MSRA: variants seen among roughly 807,000 people sequenced by gnomAD.
MSRA encodes mitochondrial peptide methionine sulfoxide reductase.
Under a neutral mutation model 31.3 loss-of-function variants are expected in MSRA, and 54 were observed. That is an observed-to-expected ratio of 1.73 (90% CI 1.39 to 2.17). MSRA has a LOEUF of 2.17. Among genes scored for constraint, MSRA ranks in the 30% most tolerant of loss-of-function variants. The pLI is 0.00. For synonymous variants in MSRA, 169 were observed against 116.5 expected (o/e 1.45, Z -2.90); for missense variants, 507 against 300.9 (o/e 1.69, Z -5.07).
At chr8:10,400,259 A>G (rs1354639280) in intron 5 of MSRA, among the ~76,000 whole-genome samples, 2 of 151,754 alleles carry the variant, frequency 1.3e-5, no homozygotes, top group African/African-American at 2.4e-5. Context: ...GGAAATGATG[A>G]GGGCCTGGGT....
chr8:10,376,159 A>C (rs1805745863), intron 5 of MSRA, among the ~76,000 whole-genome samples: 1 of 152,048 alleles, frequency 6.6e-6, no homozygotes, highest in Admixed American at 6.6e-5. Context: ...TGCTTAGGAG[A>C]TGGATAATGC....
At chr8:10,122,492 A>G (rs1030176089) in intron 1 of MSRA, among the ~76,000 whole-genome samples, 62 of 152,184 alleles carry the variant, frequency 4.1e-4, no homozygotes, top group African/African-American at 1.4e-3. Context: ...AAGTGGATCC[A>G]GAGTACAGTG....
chr8:10,109,337 C>G (rs532859899), intron 1 of MSRA, among the ~76,000 whole-genome samples: 6 of 148,882 alleles, frequency 4.0e-5, no homozygotes, highest in Non-Finnish European at 3.0e-5. Flanking sequence ...CTTTTCTTTT[C>G]TTTTCTTTTT....
intron 4 of MSRA, among the ~76,000 whole-genome samples, chr8:10,304,735 G>T (rs537196121): frequency 6.6e-6 from 1 of 152,278 alleles, no homozygotes; most frequent in East Asian, 1.9e-4. Context: ...AGTAAAAGTT[G>T]GTCTTGAAAA....
chr8:10,328,391 C>T (rs1019261294), intron 5 of MSRA, among the ~76,000 whole-genome samples: 2 of 151,902 alleles, frequency 1.3e-5, no homozygotes, highest in African/African-American at 2.4e-5. Context: ...GATTCTACCT[C>T]CAAAAGACAT....
intron 5 of MSRA, among the ~76,000 whole-genome samples, chr8:10,417,130 T>G (rs1000475434): frequency 6.6e-6 from 1 of 152,218 alleles, no homozygotes. Flanking sequence ...GGTCTCTTAA[T>G]GGACCAAGTT....
chr8:10,292,623 G>A (rs1276122971), intron 3 of MSRA, among the ~76,000 whole-genome samples: 1 of 152,212 alleles, frequency 6.6e-6, no homozygotes, highest in Non-Finnish European at 1.5e-5. Flanking sequence ...CAGTCCCACA[G>A]AATCGCAGTG....
At chr8:10,421,251 A>C (rs1427958124) in intron 5 of MSRA, among the ~76,000 whole-genome samples, 1 of 152,292 alleles carries the variant, frequency 6.6e-6, no homozygotes, top group Middle Eastern at 3.4e-3. Flanking sequence ...GGCTGTGGTC[A>C]TGCCTGTCCT....
chr8:10,193,387 G>T (rs1454911873), intron 1 of MSRA, among the ~76,000 whole-genome samples: 1 of 152,214 alleles, frequency 6.6e-6, no homozygotes, highest in Admixed American at 6.5e-5. Context: ...CCCTGTGTTT[G>T]ATATTTTCAG....
intron 1 of MSRA, among the ~76,000 whole-genome samples, chr8:10,086,851 A>G (rs1798582485): frequency 6.6e-6 from 1 of 150,896 alleles, no homozygotes; most frequent in African/African-American, 2.4e-5. Flanking sequence ...TGGGCCAGGC[A>G]GAGGAGAGAA....
At chr8:10,244,970 C>T in intron 2 of MSRA, 134 bp from the exon 3 acceptor site, 2 of 606,836 alleles carry the variant, frequency 3.3e-6, no homozygotes, top group Non-Finnish European at 5.3e-6. Context: ...AAGATAAAAT[C>T]TTAGTCATTT....
intron 5 of MSRA, among the ~76,000 whole-genome samples, chr8:10,368,422 G>A (rs530555663): frequency 2.9e-4 from 44 of 152,350 alleles, no homozygotes; most frequent in African/African-American, 9.9e-4. Flanking sequence ...TGCAAAATCA[G>A]AAGATGAAAG....
intron 3 of MSRA, among the ~76,000 whole-genome samples, chr8:10,256,290 C>T (rs1490779455): frequency 4.6e-5 from 7 of 152,188 alleles, no homozygotes; most frequent in Admixed American, 1.3e-4. Flanking sequence ...TGTCTTTTCA[C>T]GGCTTGGTAG....
intron 3 of MSRA, among the ~76,000 whole-genome samples, chr8:10,256,509 A>T (rs1798188032): frequency 6.6e-6 from 1 of 152,212 alleles, no homozygotes; most frequent in Non-Finnish European, 1.5e-5. Flanking sequence ...GCCTGGGTTG[A>T]AATGAAGTTC....
intron 2 of MSRA, among the ~76,000 whole-genome samples, chr8:10,221,242 T>C (rs1166472245): frequency 6.6e-6 from 1 of 152,168 alleles, no homozygotes; most frequent in African/African-American, 2.4e-5. Flanking sequence ...ACCAACTGAA[T>C]GACAAACAGC....
At chr8:10,172,784 C>T (rs1805708733) in intron 1 of MSRA, among the ~76,000 whole-genome samples, 1 of 152,110 alleles carries the variant, frequency 6.6e-6, no homozygotes, top group African/African-American at 2.4e-5. Flanking sequence ...TGTAGCTCAC[C>T]CCTTCGCTTA....
rs1447462590 is a variant in MSRA, at chr8:10,297,412, C to T, written c.332-4122C>T. ...TGTTAACAAGCATGTTTGCACGTCA[C>T]ATCTATCATGCTATGTGCGCGATGT... On this transcript the variant is annotated intron_variant, in intron 3 of 5. Transcript: ENST00000317173. 2.6e-5 allele frequency among the ~76,000 whole-genome samples: 4 copies of T among 152,200 alleles called. No individual in the cohort carries two copies. The South Asian group carries it at 6.2e-4, about 24-fold the overall frequency.
chr8:10,402,944 C>T (rs2129184661), intron 5 of MSRA, among the ~76,000 whole-genome samples: 1 of 152,310 alleles, frequency 6.6e-6, no homozygotes, highest in South Asian at 2.1e-4. Context: ...CCATGCCTAC[C>T]ATTGAAGCCA....
At chr8:10,357,084 A>G (rs576409299) in intron 5 of MSRA, among the ~76,000 whole-genome samples, 2 of 152,230 alleles carry the variant, frequency 1.3e-5, no homozygotes, top group African/African-American at 4.8e-5. Flanking sequence ...ACCAGACCCA[A>G]GTCTATCTCT....
Sources: allele counts gnomAD v4.1 joint callset (sites outside exome capture counted in the v4.1 genomes callset), GRCh38; gene constraint gnomAD v4.1.1; transcripts MANE v1.5; gene names NCBI Gene and HGNC (gene_info 2026-07-23, HGNC 2026-07-21).